RHEB: variants seen among roughly 807,000 people sequenced by gnomAD.
RHEB encodes the protein GTP-binding protein Rheb.
RHEB carries 2 observed loss-of-function variants against 28.8 expected under a neutral mutation model. The ratio of observed to expected loss-of-function variants is 0.07; its 90% CI spans 0.03 to 0.22. The LOEUF is 0.22. Ranked by LOEUF, RHEB falls within the 10% of genes least tolerant of loss-of-function variation. The pLI is 1.00. For missense variants in RHEB, 76 were observed against 219.9 expected (o/e 0.35, Z 4.14); for synonymous variants, 69 against 77.3 (o/e 0.89, Z 0.56).
At chr7:151,511,091 T>TAA (rs377470867) in intron 1 of RHEB, among the ~76,000 whole-genome samples, 6 of 139,368 alleles carry the variant, frequency 4.3e-5, no homozygotes, top group African/African-American at 1.3e-4. Flanking sequence ...AAATAAAAAA[T>TAA]AAAAAAAAAA....
chr7:151,514,230 T>TA (rs2150940046), intron 1 of RHEB, among the ~76,000 whole-genome samples: 1 of 152,290 alleles, frequency 6.6e-6, no homozygotes, highest in African/African-American at 2.4e-5. Context: ...TAACCACAAA[T>TA]AGATCACAGA....
At chr7:151,476,329 TG>T (rs1488829695) in intron 4 of RHEB, among the ~76,000 whole-genome samples, 4 of 152,272 alleles carry the variant, frequency 2.6e-5, no homozygotes, top group South Asian at 4.1e-4. Flanking sequence ...GCACCTGAAA[TG>T]GGGCTACTGT....
intron 3 of RHEB, among the ~76,000 whole-genome samples, chr7:151,483,655 G>A (rs1392831345): frequency 3.3e-5 from 5 of 152,222 alleles, no homozygotes; most frequent in Admixed American, 1.3e-4. Context: ...GGCACAGGTT[G>A]TAGTGGGATA....
At chr7:151,489,315 G>A (rs2150928558) in intron 2 of RHEB, among the ~76,000 whole-genome samples, 1 of 152,216 alleles carries the variant, frequency 6.6e-6, no homozygotes, top group South Asian at 2.1e-4. Flanking sequence ...AGAAAACCGA[G>A]CTTGTTCATC....
intron 1 of RHEB, among the ~76,000 whole-genome samples, chr7:151,516,086 T>C (rs1803072826): frequency 6.6e-6 from 1 of 152,186 alleles, no homozygotes; most frequent in Non-Finnish European, 1.5e-5. Flanking sequence ...TCCGTTGTGG[T>C]AGAAATAACG....
chr7:151,504,182 T>C (rs1802825890), intron 1 of RHEB, among the ~76,000 whole-genome samples: 1 of 152,238 alleles, frequency 6.6e-6, no homozygotes, highest in Non-Finnish European at 1.5e-5. Context: ...GCCCAGCGTT[T>C]GGGAGCCCTT....
rs745486349 is a variant in RHEB, at chr7:151,467,096, T to C, written c.*23A>G. 12 of 1,547,582 alleles carry C rather than the reference T, an allele frequency of 7.8e-6. No homozygotes were observed. The highest frequency in any genetic ancestry group is 1.1e-5 in the Non-Finnish European group (12 of 1,119,658). ...TTCTTCAGGTAGAATATATTCCCAG[T>C]GTCCTCAGGCTTTGCAGCAGAATCA... On this transcript the variant is annotated 3_prime_UTR_variant, in exon 8 of 8. Coordinates refer to ENST00000262187, the MANE Select transcript of RHEB (RefSeq NM_005614.4).
intron 1 of RHEB, among the ~76,000 whole-genome samples, chr7:151,497,765 C>A (rs1437448168): frequency 6.6e-6 from 1 of 152,184 alleles, no homozygotes; most frequent in African/African-American, 2.4e-5. Flanking sequence ...GCCACCCTCC[C>A]CTTCCACAAA....
At chr7:151,513,813 T>A (rs1034104079) in intron 1 of RHEB, among the ~76,000 whole-genome samples, 13 of 152,180 alleles carry the variant, frequency 8.5e-5, no homozygotes, top group African/African-American at 3.1e-4. Flanking sequence ...GAGATGAGAA[T>A]CCAGCTGTTA....
chr7:151,468,391 G>A lies in RHEB; in HGVS notation c.463-1180C>T, dbSNP rs145356695. Among the ~76,000 whole-genome samples the A allele has an allele frequency of 4.3e-3, 662 of 152,250 alleles. 4 individuals carry two copies. The highest frequency in any genetic ancestry group is 0.02 in the Middle Eastern group (6 of 294). ...TCAACTCCCTTCCCTACCAACTGTC[G>A]CTGGCACGGTGCCCGCGGCCACACC... On this transcript the variant is annotated intron_variant, in intron 7 of 7. Transcript: ENST00000262187. The surrounding 1 kb of genome is among the most constrained non-coding windows in gnomAD (Gnocchi z 4.3).
intron 3 of RHEB, 135 bp from the exon 4 acceptor site, chr7:151,477,550 C>G (rs1802293527): frequency 1.7e-6 from 1 of 581,758 alleles, no homozygotes; most frequent in Admixed American, 3.4e-5. Flanking sequence ...CCAGAAACAG[C>G]CTACAAAGTG....
chr7:151,497,621 C>T (rs1221454888), intron 1 of RHEB, among the ~76,000 whole-genome samples: 3 of 152,172 alleles, frequency 2.0e-5, no homozygotes, highest in Non-Finnish European at 2.9e-5. Context: ...ATGTCCCGAT[C>T]GCCGCTATCC....
At chr7:151,476,002 C>T (rs1802264943) in intron 4 of RHEB, among the ~76,000 whole-genome samples, 1 of 151,582 alleles carries the variant, frequency 6.6e-6, no homozygotes, top group South Asian at 2.1e-4. Context: ...GAATGATTAC[C>T]CTCACTTTCT....
chr7:151,467,626 T>C (rs143205419), intron 7 of RHEB, among the ~76,000 whole-genome samples: 1 of 152,224 alleles, frequency 6.6e-6, no homozygotes, highest in East Asian at 1.9e-4. Context: ...CTCACATCCT[T>C]GACACTAAGA....
At chr7:151,519,362 G>C in intron 1 of RHEB, 98 bp downstream of exon 1, 1 of 872,452 alleles carries the variant, frequency 1.1e-6, no homozygotes, top group Non-Finnish European at 1.5e-6. Flanking sequence ...CCCGCCACAT[G>C]GCCGCGCCGG....
intron 1 of RHEB, among the ~76,000 whole-genome samples, chr7:151,515,907 T>C (rs1219401458): frequency 1.3e-5 from 2 of 152,256 alleles, no homozygotes; most frequent in Non-Finnish European, 2.9e-5. Flanking sequence ...TTATTAACTG[T>C]ATGTAAGAGG....
At chr7:151,515,602 T>C (rs971416613) in intron 1 of RHEB, among the ~76,000 whole-genome samples, 2 of 152,224 alleles carry the variant, frequency 1.3e-5, no homozygotes, top group African/African-American at 4.8e-5. Flanking sequence ...CACCTGAATA[T>C]ACAATTTCAC....
At position 151,472,500 on chromosome 7, in the gene RHEB, C is replaced by T. The variant is rs1802179936; in HGVS notation, c.276-895G>A. 1.3e-5 allele frequency among the ~76,000 whole-genome samples: 2 copies of T among 152,234 alleles called. No individual in the cohort carries two copies. Among genetic ancestry groups the T allele is most frequent in the African/African-American group, 4.8e-5 (2 of 41,458 alleles). The stretch of plus-strand genomic sequence containing the variant: ...CCTCGTGATCCGCCTGCCTCGGCCT[C>T]CCAAAGTGCTGGGATTACAGGCGTG... On this transcript the variant is annotated intron_variant, in intron 4 of 7. Coordinates refer to ENST00000262187, the MANE Select transcript of RHEB (RefSeq NM_005614.4). This position sits in a 1 kb window ranked among gnomAD's most constrained non-coding sequence, Gnocchi z 5.2.
chr7:151,477,431 AT>A lies in RHEB; in HGVS notation c.193-17del, dbSNP rs1267309658. On this transcript the variant is annotated splice_polypyrimidine_tract_variant and intron_variant, in intron 3 of 7. Coordinates refer to ENST00000262187, the MANE Select transcript of RHEB (RefSeq NM_005614.4). Reference sequence around the variant, plus strand: ...AATATTCATCCTGTGGGGAAAAAAAATTATCTTTGAGTAGTCTTCATATAGC... The same window carrying A: ...AATATTCATCCTGTGGGGAAAAAAAATATCTTTGAGTAGTCTTCATATAGC... 2.0e-6 allele frequency: 3 copies of A among 1,463,958 alleles called. No homozygotes were observed. Among genetic ancestry groups the A allele is most frequent in the Non-Finnish European group, 2.8e-6 (3 of 1,063,144 alleles). 90.7% of individuals were successfully genotyped at this position (1,463,958 alleles called of 1,614,324 possible). A position where few individuals can be genotyped will look rare whatever the true frequency, so the allele number is the denominator to read the frequency against.
Sources: allele counts gnomAD v4.1 joint callset (sites outside exome capture counted in the v4.1 genomes callset), GRCh38; gene constraint gnomAD v4.1.1; non-coding constraint Gnocchi (gnomAD v3.1); transcripts MANE v1.5; gene names NCBI Gene and HGNC (gene_info 2026-07-23, HGNC 2026-07-21).